PCDH15: variants seen among roughly 807,000 people sequenced by gnomAD.
The protein encoded by PCDH15 is protocadherin-15.
A neutral mutation model predicts 178.5 loss-of-function variants in PCDH15; 129 were observed. That is an observed-to-expected ratio of 0.72 (90% confidence interval 0.63 to 0.84). PCDH15 has a LOEUF of 0.84. Among genes scored for constraint, PCDH15 ranks in the 40% least tolerant of loss-of-function variants. The pLI is 0.00. For missense variants in PCDH15, 2,230 were observed against 2,099.9 expected (o/e 1.06, Z -1.21); for synonymous variants, 800 against 732.0 (o/e 1.09, Z -1.50).
At chr10:55,591,310 C>T (rs190230522) in intron 2 of PCDH15, among the ~76,000 whole-genome samples, 2 of 152,024 alleles carry the variant, frequency 1.3e-5, no homozygotes, top group East Asian at 1.9e-4. Context: ...TGGTGTGCAC[C>T]GATAGCCTAA....
intron 29 of PCDH15, among the ~76,000 whole-genome samples, chr10:53,836,986 G>T (rs1476030408): frequency 6.6e-6 from 1 of 151,474 alleles, no homozygotes; most frequent in African/African-American, 2.4e-5. Context: ...AAAAGATGAA[G>T]AATTTCTTCA....
At chr10:54,450,255 T>C (rs972708826) in intron 3 of PCDH15, among the ~76,000 whole-genome samples, 1 of 150,464 alleles carries the variant, frequency 6.6e-6, no homozygotes, top group Non-Finnish European at 1.5e-5. Context: ...TAACTCGTCA[T>C]TTACATTACT....
intron 2 of PCDH15, among the ~76,000 whole-genome samples, chr10:55,365,652 C>G (rs114671312): frequency 9.7e-6 from 1 of 102,594 alleles, no homozygotes; most frequent in African/African-American, 4.2e-5. Flanking sequence ...ATGAGTACCA[C>G]GAGATATATG....
chr10:54,887,306 A>C (rs1954376889), intron 3 of PCDH15, among the ~76,000 whole-genome samples: 1 of 152,188 alleles, frequency 6.6e-6, no homozygotes, highest in Non-Finnish European at 1.5e-5. Flanking sequence ...GAAAATTTCC[A>C]TGATGAAGAG....
At chr10:54,916,422 A>T (rs1001572254) in intron 2 of PCDH15, among the ~76,000 whole-genome samples, 19 of 152,188 alleles carry the variant, frequency 1.2e-4, no homozygotes, top group Non-Finnish European at 2.5e-4. Context: ...CATATGTATT[A>T]TATGGATATG....
At chr10:54,417,542 T>C (rs901630955) in intron 3 of PCDH15, among the ~76,000 whole-genome samples, 1 of 152,148 alleles carries the variant, frequency 6.6e-6, no homozygotes, top group African/African-American at 2.4e-5. Flanking sequence ...TATAGAGATA[T>C]TTAACAATGT....
chr10:54,244,463 G>A (rs1591387890), intron 8 of PCDH15, among the ~76,000 whole-genome samples: 1 of 152,140 alleles, frequency 6.6e-6, no homozygotes. Context: ...ATAAAAGCCT[G>A]TAACAAAATC....
intron 2 of PCDH15, among the ~76,000 whole-genome samples, chr10:55,104,109 G>A (rs1308365668): frequency 6.6e-6 from 1 of 151,976 alleles, no homozygotes; most frequent in Admixed American, 6.6e-5. Context: ...AATTTCGTTT[G>A]CATAAAACAG....
chr10:54,056,401 T>C (rs2135693890), intron 18 of PCDH15, among the ~76,000 whole-genome samples: 1 of 152,284 alleles, frequency 6.6e-6, no homozygotes, highest in Non-Finnish European at 1.5e-5. Flanking sequence ...TCCACATGGC[T>C]GGGGAAGCCT....
At chr10:54,195,371 C>G (rs2049502116) in intron 11 of PCDH15, among the ~76,000 whole-genome samples, 1 of 151,982 alleles carries the variant, frequency 6.6e-6, no homozygotes, top group Non-Finnish European at 1.5e-5. Context: ...TTTGCTTTAT[C>G]AATAATTATA....
intron 15 of PCDH15, among the ~76,000 whole-genome samples, chr10:54,113,286 A>G (rs2095057711): frequency 1.3e-5 from 2 of 152,182 alleles, no homozygotes. Flanking sequence ...GGCAGATACT[A>G]TATTACCGAA....
At chr10:53,907,392 C>T (rs1261613125) in intron 25 of PCDH15, among the ~76,000 whole-genome samples, 1 of 152,124 alleles carries the variant, frequency 6.6e-6, no homozygotes, top group East Asian at 1.9e-4. Flanking sequence ...AAGGGAACAA[C>T]GTGCGTGCCT....
chr10:54,842,286 A>T (rs994037588), intron 3 of PCDH15, among the ~76,000 whole-genome samples: 5 of 151,754 alleles, frequency 3.3e-5, no homozygotes, highest in African/African-American at 1.2e-4. Context: ...CTCCATCCAG[A>T]CCTATTGTTA....
rs2095491749 is a variant in PCDH15 at position 54,717,234 on chromosome 10, G to A, written c.-28-52944C>T. On this transcript the variant is annotated intron_variant, in intron 1 of 37. Transcript: ENST00000644397. ...TCATGTCCAAAACACCAAAAGCAAT[G>A]GCAACAAAAGACAAAATTGACAAAT... 4.9e-5 allele frequency among the ~76,000 whole-genome samples: 6 copies of A among 122,878 alleles called. No individual in the cohort carries two copies. In the South Asian group the frequency reaches 1.7e-3, roughly 34 times the overall value. The allele number at this position is 122,878 out of a possible 152,430, so 80.6% of individuals were successfully genotyped here.
intron 2 of PCDH15, among the ~76,000 whole-genome samples, chr10:55,162,321 T>G (rs1839087798): frequency 6.6e-6 from 1 of 152,176 alleles, no homozygotes; most frequent in South Asian, 2.1e-4. Context: ...CTATGTTTCT[T>G]TAACTTGAAT....
In PCDH15 at chr10:53,820,247, A is replaced by G. The variant is rs2076209446; in HGVS notation, c.4368-17T>C. 2.5e-6 allele frequency: 1 copy of G among 397,730 alleles called. No homozygotes were observed. Among genetic ancestry groups the G allele is most frequent in the East Asian group, 3.6e-5 (1 of 28,012 alleles). The allele number at this position is 397,730 out of a possible 1,614,324, so 24.6% of individuals were successfully genotyped here. ...AAACTCCAACTGAAGTTTTTCAGTGAAAGAAAGAAAAAAATCACGTTCAAG... is the reference window on the plus strand; with the variant it reads ...AAACTCCAACTGAAGTTTTTCAGTGGAAGAAAGAAAAAAATCACGTTCAAG... On this transcript the variant is annotated splice_polypyrimidine_tract_variant and intron_variant, in intron 32 of 37. Coordinates refer to ENST00000644397, the MANE Select transcript of PCDH15 (RefSeq NM_001384140.1).
At chr10:54,650,741 C>T (rs115489236) in intron 2 of PCDH15, among the ~76,000 whole-genome samples, 321 of 151,952 alleles carry the variant, frequency 2.1e-3, no homozygotes, top group African/African-American at 7.6e-3. Flanking sequence ...GAATGACTAC[C>T]AAGCAAAAGG....
chr10:55,618,555 T>A (rs60987822), intron 2 of PCDH15, among the ~76,000 whole-genome samples: 8,932 of 152,074 alleles, frequency 0.059, 583 homozygotes, highest in East Asian at 0.32. Flanking sequence ...CTACTACTCT[T>A]CCCCAAAACA....
intron 1 of PCDH15, among the ~76,000 whole-genome samples, chr10:54,723,376 T>C (rs1381630058): frequency 6.6e-6 from 1 of 151,616 alleles, no homozygotes; most frequent in Non-Finnish European, 1.5e-5. Context: ...ACCATATCTC[T>C]CACTGTGTAC....
Sources: gnomAD v4.1 joint callset for allele counts (sites outside exome capture counted in the v4.1 genomes callset) on GRCh38, gnomAD v4.1.1 for gene constraint, MANE v1.5 for transcripts, NCBI Gene and HGNC (gene_info 2026-07-23, HGNC 2026-07-21) for gene names.